Variants in GSDME observed in about 807,000 individuals in gnomAD.
The protein encoded by GSDME is gasdermin E, also known as gasdermin-E.
In GSDME, 44 loss-of-function variants were observed where a neutral mutation model predicts 47.5. The observed-to-expected ratio is 0.93, with a 90% CI of 0.73 to 1.19. The LOEUF (loss-of-function observed/expected upper bound fraction) is 1.19. Among genes scored for constraint, GSDME ranks in the 50% most tolerant of loss-of-function variants. The pLI is 0.00. For missense variants in GSDME, 663 were observed against 604.2 expected (o/e 1.10, Z -1.02); for synonymous variants, 258 against 252.8 (o/e 1.02, Z -0.20).
chr7:24,743,581 T>G (rs561892819), intron 3 of GSDME, among the ~76,000 whole-genome samples: 10 of 152,318 alleles, frequency 6.6e-5, no homozygotes, highest in African/African-American at 1.9e-4. Flanking sequence ...TGGCTCTCAG[T>G]AAGTGTGAGC....
chr7:24,766,290 CTTTATTTA>C, the GSDME span, among the ~76,000 whole-genome samples: 7 of 150,254 alleles, frequency 4.7e-5, no homozygotes, highest in African/African-American at 7.4e-5. This position sits in a 1 kb window ranked among gnomAD's most constrained non-coding sequence, Gnocchi z 4.2. Flanking sequence ...CTGCACAACA[CTTTATTTA>C]TTTATTTATT....
the GSDME span, among the ~76,000 whole-genome samples, chr7:24,795,309 C>T: frequency 7.7e-4 from 117 of 152,176 alleles, 7 homozygotes; most frequent in Non-Finnish European, 4.4e-5. Context: ...TTGCCTCCAC[C>T]GCCCGGTAAT....
the GSDME span, among the ~76,000 whole-genome samples, chr7:24,788,996 C>A: frequency 6.6e-6 from 1 of 152,058 alleles, no homozygotes; most frequent in Non-Finnish European, 1.5e-5. This position sits in a 1 kb window ranked among gnomAD's most constrained non-coding sequence, Gnocchi z 4.6. Flanking sequence ...AGCCAGGATC[C>A]AATCAGGGTT....
At chr7:24,704,713 G>A (rs559142379) in intron 8 of GSDME, 2 of 151,454 alleles carry the variant, frequency 1.3e-5, no homozygotes, top group Non-Finnish European at 2.9e-5. Flanking sequence ...CTGCGTGCAA[G>A]CTTGCAGAGA....
intron 4 of GSDME, 138 bp from the exon 5 acceptor site, chr7:24,717,512 A>C: frequency 7.3e-7 from 1 of 1,377,614 alleles, no homozygotes; most frequent in Non-Finnish European, 1.0e-6. Flanking sequence ...CAGAGGAGCC[A>C]GCCAGCATGG....
chr7:24,747,952 G>C (rs1389221048), intron 2 of GSDME, among the ~76,000 whole-genome samples: 1 of 151,932 alleles, frequency 6.6e-6, no homozygotes, highest in African/African-American at 2.4e-5. Context: ...ACAGGCATAA[G>C]CCACTGCACC....
intron 3 of GSDME, among the ~76,000 whole-genome samples, chr7:24,737,145 A>T (rs1158516814): frequency 3.3e-5 from 5 of 152,136 alleles, no homozygotes; most frequent in African/African-American, 1.2e-4. Flanking sequence ...AAGAAAAGAA[A>T]TAATAAAGAT....
chr7:24,778,078 T>G, the GSDME span, among the ~76,000 whole-genome samples: 1 of 140,400 alleles, frequency 7.1e-6, no homozygotes. The surrounding 1 kb of genome is among the most constrained non-coding windows in gnomAD (Gnocchi z 5.6). Flanking sequence ...GAGAAAATGG[T>G]GGGGGAGGGA....
At chr7:24,708,304 C>G (rs765249973) in intron 6 of GSDME, 50 bp from the exon 7 acceptor site, 8 of 1,610,108 alleles carry the variant, frequency 5.0e-6, no homozygotes, top group African/African-American at 1.3e-5. Context: ...GCACATCTCA[C>G]GACGTCGGAC....
In GSDME at chr7:24,742,311, C is replaced by A. The variant is rs1335606633; in HGVS notation, c.404+2251G>T. Among the ~76,000 whole-genome samples the A allele has an allele frequency of 6.6e-6, 1 of 152,220 alleles. No homozygotes were observed. Among genetic ancestry groups the A allele is most frequent in the African/African-American group, 2.4e-5 (1 of 41,448 alleles). On this transcript the variant is annotated intron_variant, in intron 3 of 9. Transcript: ENST00000645220. This position sits in a 1 kb window ranked among gnomAD's most constrained non-coding sequence, Gnocchi z 4.4. ...CTGAGTTGAATCCCAGCACCAGCAT[C>A]CAAATTGAGCTCTGTGTCTGGGAAT...
the GSDME span, among the ~76,000 whole-genome samples, chr7:24,779,930 AT>A: frequency 1.3e-5 from 2 of 152,230 alleles, no homozygotes; most frequent in African/African-American, 4.8e-5. This position sits in a 1 kb window ranked among gnomAD's most constrained non-coding sequence, Gnocchi z 6.0. Flanking sequence ...CCAGAACTTT[AT>A]CCCACGCCCA....
At chr7:24,759,078 T>C (rs1791121812), upstream of GSDME, among the ~76,000 whole-genome samples, 1 of 152,212 alleles carries the variant, frequency 6.6e-6, no homozygotes, top group Non-Finnish European at 1.5e-5. Context: ...AAATGGTCCA[T>C]GGTGGTAGGC....
the GSDME span, among the ~76,000 whole-genome samples, chr7:24,775,442 G>A: frequency 3.8e-3 from 573 of 152,316 alleles, 5 homozygotes; most frequent in African/African-American, 0.013. Context: ...CATATCGCTT[G>A]GAATGCAAAA....
chr7:24,789,917 T>C, the GSDME span, among the ~76,000 whole-genome samples: 1 of 152,124 alleles, frequency 6.6e-6, no homozygotes, highest in Non-Finnish European at 1.5e-5. Flanking sequence ...GGAGTACAGG[T>C]AGCAAACAAG....
At chr7:24,702,430 T>G (rs1788906804) in intron 9 of GSDME, 1 of 361,442 alleles carries the variant, frequency 2.8e-6, no homozygotes. Flanking sequence ...AATAATATGG[T>G]GTCAGGCCCC....
At chr7:24,707,268 AAAAAC>A (rs775873005) in intron 7 of GSDME, 27 of 467,580 alleles carry the variant, frequency 5.8e-5, no homozygotes, top group South Asian at 3.9e-4. Context: ...CAAAAGAACA[AAAAAC>A]AAAACTGTAG....
At chr7:24,774,878 C>A in the GSDME span, among the ~76,000 whole-genome samples, 1 of 152,118 alleles carries the variant, frequency 6.6e-6, no homozygotes, top group Non-Finnish European at 1.5e-5. Flanking sequence ...AAACCCAGCC[C>A]CTGTCTTTCA....
At chr7:24,761,183 G>A (rs1791160797), upstream of GSDME, among the ~76,000 whole-genome samples, 2 of 152,168 alleles carry the variant, frequency 1.3e-5, no homozygotes, top group Admixed American at 6.5e-5. This position sits in a 1 kb window ranked among gnomAD's most constrained non-coding sequence, Gnocchi z 4.4. Context: ...CACTGACTGG[G>A]GTCACTCAGT....
At chr7:24,759,806 A>G (rs905553089), upstream of GSDME, among the ~76,000 whole-genome samples, 1 of 152,132 alleles carries the variant, frequency 6.6e-6, no homozygotes, top group Non-Finnish European at 1.5e-5. Context: ...ATCTCACCTG[A>G]CCCCAGTCTG....
Sources: allele counts gnomAD v4.1 joint callset (sites outside exome capture counted in the v4.1 genomes callset), GRCh38; gene constraint gnomAD v4.1.1; non-coding constraint Gnocchi (gnomAD v3.1); transcripts MANE v1.5; gene names NCBI Gene and HGNC (gene_info 2026-07-23, HGNC 2026-07-21).